Variants in GPR137C observed in about 807,000 individuals in gnomAD.
The protein encoded by GPR137C is G protein-coupled receptor 137C.
A neutral mutation model predicts 43.4 loss-of-function variants in GPR137C; 27 were observed. The observed-to-expected ratio is 0.62, with a 90% CI of 0.46 to 0.86. The LOEUF (loss-of-function observed/expected upper bound fraction) is 0.86. Among genes scored for constraint, GPR137C ranks in the 40% least tolerant of loss-of-function variants. The probability of loss-of-function intolerance (pLI) is 0.00; values close to 1 mark genes in which losing one functional copy is unlikely to be tolerated. For synonymous variants in GPR137C, 285 were observed against 226.9 expected (o/e 1.26, Z -2.30); for missense variants, 522 against 534.6 (o/e 0.98, Z 0.23).
At chr14:52,633,979 C>G (rs1239777881) in intron 6 of GPR137C, 33 bp downstream of exon 6, 3 of 1,226,374 alleles carry the variant, frequency 2.4e-6, no homozygotes, top group Non-Finnish European at 3.6e-6. Context: ...GCCTGAATTA[C>G]TATTGAAATT....
rs543972260 is a variant in GPR137C at position 52,563,227 on chromosome 14, G to A, written c.444+9636G>A. On this transcript the variant is annotated intron_variant, in intron 1 of 6. Transcript: ENST00000321662. The stretch of plus-strand genomic sequence containing the variant: ...AGCTTCTTTGTAAGCTCATGTGCCT[G>A]TCTTGCCATCAGAGAGGTTGAGATT... Among the ~76,000 whole-genome samples, 17 of 152,198 alleles carry A rather than the reference G, an allele frequency of 1.1e-4. No individual in the cohort carries two copies. The South Asian group carries it at 3.3e-3, about 30-fold the overall frequency.
intron 3 of GPR137C, among the ~76,000 whole-genome samples, chr14:52,631,953 CAAA>C (rs35962083): frequency 2.3e-5 from 3 of 128,944 alleles, no homozygotes; most frequent in African/African-American, 8.9e-5. Context: ...GGCAAGTTGG[CAAA>C]AAAAAAAAAA....
intron 1 of GPR137C, among the ~76,000 whole-genome samples, chr14:52,585,945 T>C (rs1282399004): frequency 6.6e-6 from 1 of 152,176 alleles, no homozygotes; most frequent in Non-Finnish European, 1.5e-5. Context: ...GCTGTGAGTC[T>C]CAAAGCCCCC....
chr14:52,625,169 A>G (rs1292603982), intron 3 of GPR137C, among the ~76,000 whole-genome samples: 1 of 152,174 alleles, frequency 6.6e-6, no homozygotes, highest in Non-Finnish European at 1.5e-5. Flanking sequence ...AACAACACCA[A>G]TAGTATACAA....
At position 52,553,405 on chromosome 14, in the gene GPR137C, C is replaced by T. The variant is rs780707768; in HGVS notation, c.258C>T (p.Leu86=). The part of the protein sequence containing the change: ...ERRLSYQSLC[L]FLCLLWAALR... Reference sequence around the variant, plus strand: ...GGCTGAGTTACCAGAGCCTCTGCCTCTTCCTCTGTCTCCTGTGGGCAGCGC... The same window carrying T: ...GGCTGAGTTACCAGAGCCTCTGCCTTTTCCTCTGTCTCCTGTGGGCAGCGC... The change falls in exon 1 of 7, where the codon CTC becomes CTT. Residue 86 remains leucine (L), a synonymous_variant. Transcript: ENST00000321662. 2.7e-5 allele frequency: 43 copies of T among 1,608,272 alleles called. No homozygotes were observed. The highest frequency in any genetic ancestry group is 1.9e-4 in the African/African-American group (14 of 74,944).
intron 6 of GPR137C, among the ~76,000 whole-genome samples, chr14:52,634,679 T>A (rs574708896): frequency 1.2e-4 from 18 of 152,162 alleles, no homozygotes; most frequent in Non-Finnish European, 2.4e-4. Flanking sequence ...TACATTGTTG[T>A]CATCTGACAA....
rs779567343 is a variant in GPR137C, at chr14:52,632,315, T to C, written c.867+6T>C. On this transcript the variant is annotated splice_donor_region_variant and intron_variant, in intron 4 of 6. Coordinates refer to ENST00000321662, the MANE Select transcript of GPR137C (RefSeq NM_001099652.2). ...GGGATAATCTTTCAGATAAGGTAAA[T>C]ACCTACCACGTATTGCCAGTCTAAC... 1 of 1,597,862 alleles carries C rather than the reference T, an allele frequency of 6.3e-7. No homozygotes were observed. The highest frequency in any genetic ancestry group is 8.6e-7 in the Non-Finnish European group (1 of 1,168,538).
chr14:52,564,242 T>C (rs1235399635), intron 1 of GPR137C, among the ~76,000 whole-genome samples: 1 of 123,904 alleles, frequency 8.1e-6, no homozygotes, highest in Non-Finnish European at 1.6e-5. Flanking sequence ...ATCACTGCAC[T>C]CCACCCTGGG....
chr14:52,555,135 T>A (rs963263831), intron 1 of GPR137C, among the ~76,000 whole-genome samples: 4 of 152,190 alleles, frequency 2.6e-5, no homozygotes, highest in African/African-American at 9.7e-5. Context: ...GCTGAAGCTT[T>A]TACTCCAGGT....
Position 52,553,573 on chromosome 14 carries a change from C to T in GPR137C, c.426C>T (p.Leu142=). 1 of 1,583,148 alleles carries T rather than the reference C, an allele frequency of 6.3e-7. No homozygotes were observed. The highest frequency in any genetic ancestry group is 2.3e-5 in the East Asian group (1 of 42,736). Residue 142 remains leucine, a synonymous_variant, in exon 1 of 7, where the codon CTC becomes CTT. Coordinates refer to ENST00000321662, the MANE Select transcript of GPR137C (RefSeq NM_001099652.2). ...SCLQFSTLCL[L]NLYLAEVICK... is the part of the protein sequence containing the mutation. ...TCCAGTTCTCCACGCTCTGTCTCCT[C>T]AACCTCTACCTGGCGGAGGTAAGGC...
chr14:52,553,178 G>C lies in GPR137C; in HGVS notation c.31G>C (p.Ala11Pro). Residue 11 changes from alanine (A) to proline (P), a missense_variant, in exon 1 of 7, where the codon GCT becomes CCT. This residue lies in a region of GPR137C where 437 missense variants were observed against 425.7 expected (regional missense o/e 1.03). Transcript: ENST00000321662. ...GGTGTCCGTGCCGGGTCCGGCGGCCGCTGCCGCCCCCGCAGCCGGCCGCGA... is the reference window on the plus strand; with the variant it reads ...GGTGTCCGTGCCGGGTCCGGCGGCCCCTGCCGCCCCCGCAGCCGGCCGCGA... MRVSVPGPAA[A>P]AAPAAGREPS... 2.5e-6 allele frequency: 3 copies of C among 1,188,690 alleles called. No individual in the cohort carries two copies. The highest frequency in any genetic ancestry group is 3.1e-6 in the Non-Finnish European group (3 of 962,076). The allele number at this position is 1,188,690 out of a possible 1,614,324, so 73.6% of individuals were successfully genotyped here. A position where few individuals can be genotyped will look rare whatever the true frequency, so the allele number is the denominator to read the frequency against.
intron 3 of GPR137C, among the ~76,000 whole-genome samples, chr14:52,620,866 C>A (rs2039152820): frequency 2.6e-5 from 4 of 151,706 alleles, no homozygotes; most frequent in African/African-American, 7.3e-5. Context: ...TAAAAAGTAT[C>A]CAATCTAAAG....
At chr14:52,623,753 G>C (rs1193564303) in intron 3 of GPR137C, among the ~76,000 whole-genome samples, 2 of 152,062 alleles carry the variant, frequency 1.3e-5, no homozygotes, top group Non-Finnish European at 2.9e-5. Context: ...TTGAGTCAGA[G>C]AACTGTCTAT....
chr14:52,611,700 T>C (rs2039040845), intron 3 of GPR137C: 1 of 402,800 alleles, frequency 2.5e-6, no homozygotes. Context: ...TAGTACAAAG[T>C]AGTAATAACT....
chr14:52,574,406 A>C (rs1470329014), intron 1 of GPR137C, among the ~76,000 whole-genome samples: 1 of 152,210 alleles, frequency 6.6e-6, no homozygotes, highest in Non-Finnish European at 1.5e-5. Flanking sequence ...GGATGAGTTC[A>C]TGTCCTTTGC....
At chr14:52,623,071 T>C (rs1442347007) in intron 3 of GPR137C, among the ~76,000 whole-genome samples, 2 of 152,158 alleles carry the variant, frequency 1.3e-5, no homozygotes, top group Admixed American at 1.3e-4. Flanking sequence ...ACTTTGATTA[T>C]TTTGGTACCA....
chr14:52,579,251 G>C (rs1333904909), intron 1 of GPR137C, among the ~76,000 whole-genome samples: 1 of 152,184 alleles, frequency 6.6e-6, no homozygotes, highest in African/African-American at 2.4e-5. Flanking sequence ...ACTATCAACT[G>C]TGCCTGGCAT....
At chr14:52,556,593 G>A (rs1343544216) in intron 1 of GPR137C, among the ~76,000 whole-genome samples, 2 of 151,906 alleles carry the variant, frequency 1.3e-5, no homozygotes, top group African/African-American at 4.8e-5. Context: ...GGATCAGTAG[G>A]ACAAGAGCTT....
chr14:52,630,269 C>G (rs1195741476), intron 3 of GPR137C, among the ~76,000 whole-genome samples: 1 of 152,036 alleles, frequency 6.6e-6, no homozygotes, highest in African/African-American at 2.4e-5. Context: ...AACAGTTTCT[C>G]TGTATTATAG....
Sources: allele counts gnomAD v4.1 joint callset (sites outside exome capture counted in the v4.1 genomes callset), GRCh38; gene constraint gnomAD v4.1.1; regional missense constraint gnomAD v4.1.1; transcripts MANE v1.5; gene names NCBI Gene and HGNC (gene_info 2026-07-23, HGNC 2026-07-21).